The following EPHA6 variants were observed in gnomAD, a reference collection of about 807,000 sequenced individuals.
EPHA6 encodes the protein ephrin type-A receptor 6.
In EPHA6, 50 loss-of-function variants were observed where a neutral mutation model predicts 112.0. The ratio of observed to expected loss-of-function variants is 0.45; its 90% CI spans 0.36 to 0.56. The LOEUF (loss-of-function observed/expected upper bound fraction) is 0.56, where lower values mean the gene tolerates loss of function less well. EPHA6 is among the 20% of genes least tolerant of loss of function. The pLI is 0.00. For missense variants in EPHA6, 1,280 were observed against 1,417.4 expected, an observed-to-expected ratio of 0.90 and a Z score of 1.56; for synonymous variants, 529 against 490.7, an observed-to-expected ratio of 1.08 and a Z score of -1.03.
chr3:97,627,785 C>T (rs969579847), intron 13 of EPHA6, among the ~76,000 whole-genome samples: 4 of 151,912 alleles, frequency 2.6e-5, no homozygotes, highest in African/African-American at 9.7e-5. Context: ...CAATGATTCT[C>T]ATATTTGGCT....
chr3:97,103,290 CT>C (rs2047459147), intron 3 of EPHA6, among the ~76,000 whole-genome samples: 2 of 152,200 alleles, frequency 1.3e-5, no homozygotes, highest in Admixed American at 1.3e-4. Context: ...ACATTAAAGT[CT>C]TTAATCTATC....
intron 1 of EPHA6, among the ~76,000 whole-genome samples, chr3:96,835,656 A>G (rs1212053177): frequency 6.6e-6 from 1 of 152,088 alleles, no homozygotes; most frequent in Non-Finnish European, 1.5e-5. Flanking sequence ...AGAAGCCAAA[A>G]GTTCTTGACC....
intron 11 of EPHA6, among the ~76,000 whole-genome samples, chr3:97,574,303 T>A (rs6773988): frequency 0.28 from 42,406 of 152,014 alleles, 9,242 homozygotes; most frequent in African/African-American, 0.6. Context: ...TATGTGGTAG[T>A]TGAATGAAAG....
chr3:97,238,800 A>G (rs1425818873), intron 4 of EPHA6, among the ~76,000 whole-genome samples: 1 of 151,858 alleles, frequency 6.6e-6, no homozygotes, highest in African/African-American at 2.4e-5. Flanking sequence ...GGTAAAGGCA[A>G]TTCAGGAACA....
At chr3:97,091,802 C>T (rs1327299537) in intron 3 of EPHA6, among the ~76,000 whole-genome samples, 1 of 152,060 alleles carries the variant, frequency 6.6e-6, no homozygotes, top group Non-Finnish European at 1.5e-5. Context: ...GTGAAGATGA[C>T]TCTCAGTCTG....
intron 11 of EPHA6, chr3:97,559,663 T>C (rs1183806475): frequency 2.2e-6 from 1 of 455,100 alleles, no homozygotes; most frequent in Non-Finnish European, 4.4e-6. Context: ...TAAATCAAGG[T>C]ACCTGAAAAG....
intron 4 of EPHA6, among the ~76,000 whole-genome samples, chr3:97,239,151 T>C (rs2078768020): frequency 1.3e-5 from 2 of 151,934 alleles, no homozygotes; most frequent in Admixed American, 6.6e-5. Flanking sequence ...GAAGTGTGCA[T>C]ACTCCTGAAT....
chr3:97,462,061 AGAAGCTCGAACTCAGGAATTG>A, intron 7 of EPHA6, among the ~76,000 whole-genome samples: 1 of 152,330 alleles, frequency 6.6e-6, no homozygotes, highest in African/African-American at 2.4e-5. Context: ...GACAGTGGTT[AGAAGCTCGAACTCAGGAATTG>A]GACTATCTGT....
intron 5 of EPHA6, among the ~76,000 whole-genome samples, chr3:97,246,770 A>G (rs1485276111): frequency 6.6e-6 from 1 of 151,876 alleles, no homozygotes; most frequent in Non-Finnish European, 1.5e-5. Flanking sequence ...ATCTACCTCC[A>G]TGTCATAATT....
intron 5 of EPHA6, among the ~76,000 whole-genome samples, chr3:97,329,248 G>C (rs1437426517): frequency 6.6e-6 from 1 of 151,464 alleles, no homozygotes; most frequent in African/African-American, 2.4e-5. Flanking sequence ...CCAAGTCTTT[G>C]CTATTGTGAA....
chr3:97,061,088 A>G (rs957552569), intron 3 of EPHA6, among the ~76,000 whole-genome samples: 2 of 152,162 alleles, frequency 1.3e-5, no homozygotes, highest in Non-Finnish European at 2.9e-5. Flanking sequence ...GGTAACAGAC[A>G]TTACAAAATT....
At chr3:97,203,013 T>C (rs1052812633) in intron 3 of EPHA6, among the ~76,000 whole-genome samples, 1 of 151,468 alleles carries the variant, frequency 6.6e-6, no homozygotes, top group Admixed American at 6.6e-5. Flanking sequence ...AAGAGAGGAG[T>C]TGGAGAGGTA....
At chr3:97,227,063 T>C (rs1199213335) in intron 4 of EPHA6, among the ~76,000 whole-genome samples, 1 of 152,152 alleles carries the variant, frequency 6.6e-6, no homozygotes, top group African/African-American at 2.4e-5. Flanking sequence ...TATTGTAAAA[T>C]ATCAGTACAT....
At chr3:97,489,681 G>A (rs1209855357) in intron 10 of EPHA6, among the ~76,000 whole-genome samples, 5 of 140,224 alleles carry the variant, frequency 3.6e-5, no homozygotes, top group East Asian at 4.1e-4. Context: ...GCGAGACTCC[G>A]TCTTAAAAAA....
In EPHA6 at chr3:97,731,991, G is replaced by A. The variant is rs373257740; in HGVS notation, c.2935-3934G>A. Among the ~76,000 whole-genome samples, 14 of 152,034 alleles carry A rather than the reference G, an allele frequency of 9.2e-5. No individual in the cohort carries two copies. In the South Asian group the frequency reaches 2.7e-3, roughly 29 times the overall value. On this transcript the variant is annotated intron_variant, in intron 15 of 17. Transcript: ENST00000389672. ...TGCCTCCACTAAGGCCTGGACCACTGCAAAGCTCCTTCCTGGATCCTTTGA... is the reference window on the plus strand; with the variant it reads ...TGCCTCCACTAAGGCCTGGACCACTACAAAGCTCCTTCCTGGATCCTTTGA...
chr3:97,521,063 A>G (rs190592595), intron 10 of EPHA6, among the ~76,000 whole-genome samples: 2 of 151,324 alleles, frequency 1.3e-5, no homozygotes, highest in East Asian at 3.9e-4. Context: ...TTTTTTTATA[A>G]TATCTATCTC....
intron 16 of EPHA6, among the ~76,000 whole-genome samples, chr3:97,737,360 A>C (rs1035959415): frequency 2.0e-5 from 3 of 152,090 alleles, no homozygotes; most frequent in African/African-American, 4.8e-5. Flanking sequence ...TTCAGTAACT[A>C]AAGCTAGAAA....
chr3:97,494,752 C>T (rs1458674308), intron 10 of EPHA6, among the ~76,000 whole-genome samples: 2 of 152,232 alleles, frequency 1.3e-5, no homozygotes, highest in Middle Eastern at 3.4e-3. Flanking sequence ...TACTGGTACT[C>T]GTTCTGCAAA....
At chr3:96,829,476 T>C (rs2033879070) in intron 1 of EPHA6, among the ~76,000 whole-genome samples, 1 of 152,108 alleles carries the variant, frequency 6.6e-6, no homozygotes, top group Non-Finnish European at 1.5e-5. Flanking sequence ...CCTTTTCCAA[T>C]AAGATTGTAT....
Sources: allele counts gnomAD v4.1 joint callset (sites outside exome capture counted in the v4.1 genomes callset), GRCh38; gene constraint gnomAD v4.1.1; transcripts MANE v1.5; gene names NCBI Gene and HGNC (gene_info 2026-07-23, HGNC 2026-07-21).